GRIK4: variants seen among roughly 807,000 people sequenced by gnomAD.
GRIK4 encodes the protein glutamate ionotropic receptor kainate type subunit 4, also known as glutamate receptor ionotropic, kainate 4.
GRIK4 carries 40 observed loss-of-function variants against 104.9 expected under a neutral mutation model. The ratio of observed to expected loss-of-function variants is 0.38; its 90% CI spans 0.30 to 0.50. The LOEUF (loss-of-function observed/expected upper bound fraction) is 0.50. GRIK4 is among the 20% of genes least tolerant of loss of function. GRIK4 has a pLI of 0.93. For synonymous variants in GRIK4, 485 were observed against 524.9 expected (o/e 0.92, Z 1.04); for missense variants, 1,047 against 1,308.1 (o/e 0.80, Z 3.08).
intron 1 of GRIK4, among the ~76,000 whole-genome samples, chr11:120,575,124 C>T (rs1948462895): frequency 6.6e-6 from 1 of 152,256 alleles, no homozygotes; most frequent in African/African-American, 2.4e-5. Context: ...CCTGTTGTGC[C>T]CGCCATGCCT....
chr11:120,867,460 C>T (rs1954452833), intron 9 of GRIK4, among the ~76,000 whole-genome samples: 1 of 152,164 alleles, frequency 6.6e-6, no homozygotes. Flanking sequence ...CCCTTCTTTA[C>T]CCTTTTCTCC....
intron 1 of GRIK4, among the ~76,000 whole-genome samples, chr11:120,540,236 G>A (rs940388783): frequency 2.6e-5 from 4 of 152,214 alleles, no homozygotes; most frequent in Non-Finnish European, 5.9e-5. Context: ...TCAAACCACA[G>A]AGCGCAGGGT....
At chr11:120,896,785 A>G (rs1942594945) in intron 11 of GRIK4, among the ~76,000 whole-genome samples, 1 of 152,244 alleles carries the variant, frequency 6.6e-6, no homozygotes, top group Non-Finnish European at 1.5e-5. Flanking sequence ...TGCGGAATAG[A>G]ACCACATGGC....
chr11:120,968,944 C>T (rs1178136414), intron 19 of GRIK4, among the ~76,000 whole-genome samples: 2 of 152,204 alleles, frequency 1.3e-5, no homozygotes, highest in Non-Finnish European at 2.9e-5. Flanking sequence ...CTGATCTGCA[C>T]CCTAGCACCG....
intron 20 of GRIK4, 96 bp downstream of exon 20, chr11:120,982,320 G>A: frequency 1.3e-6 from 1 of 743,250 alleles, no homozygotes; most frequent in East Asian, 2.5e-5. Flanking sequence ...GCTTACCACA[G>A]GAAGTGCAGC....
At chr11:120,650,244 C>T (rs1255326186) in intron 1 of GRIK4, among the ~76,000 whole-genome samples, 1 of 152,190 alleles carries the variant, frequency 6.6e-6, no homozygotes, top group Non-Finnish European at 1.5e-5. Flanking sequence ...GAAAATCGGC[C>T]CTCAATGCAG....
intron 3 of GRIK4, among the ~76,000 whole-genome samples, chr11:120,700,420 T>G (rs1476121303): frequency 6.6e-6 from 1 of 150,662 alleles, no homozygotes. Flanking sequence ...ATTACAGGCA[T>G]GTGCCACCAC....
intron 2 of GRIK4, among the ~76,000 whole-genome samples, chr11:120,657,934 A>G (rs1290893508): frequency 2.0e-5 from 3 of 152,248 alleles, no homozygotes; most frequent in African/African-American, 4.8e-5. Context: ...CGTGAAAACC[A>G]GAGAACATCA....
intron 7 of GRIK4, among the ~76,000 whole-genome samples, chr11:120,836,408 A>G (rs184854689): frequency 6.6e-6 from 1 of 152,292 alleles, no homozygotes; most frequent in African/African-American, 2.4e-5. Context: ...AGTGTTAGCC[A>G]TTGTTATTGT....
intron 1 of GRIK4, among the ~76,000 whole-genome samples, chr11:120,528,462 C>G (rs1372932159): frequency 6.6e-6 from 1 of 152,200 alleles, no homozygotes; most frequent in Non-Finnish European, 1.5e-5. Context: ...CCTGTCACCC[C>G]TGTTTGACTG....
At chr11:120,525,835 A>ACAGAG (rs1305982383) in intron 1 of GRIK4, among the ~76,000 whole-genome samples, 1 of 152,088 alleles carries the variant, frequency 6.6e-6, no homozygotes, top group Non-Finnish European at 1.5e-5. Flanking sequence ...AGCTGGAGTT[A>ACAGAG]GAGTCCCTCT....
intron 1 of GRIK4, among the ~76,000 whole-genome samples, chr11:120,554,600 C>G: frequency 6.6e-6 from 1 of 151,830 alleles, no homozygotes; most frequent in East Asian, 1.9e-4. Flanking sequence ...GCCCTGTCGC[C>G]CAGGCTGGAG....
In GRIK4 at chr11:120,751,455, T is replaced by C. The variant is rs573525590; in HGVS notation, c.83-51238T>C. ...TATGAAATAAAATAAATAAAATAAA[T>C]GGCCGATAAGGCTGCCAAGCAGACT... On this transcript the variant is annotated intron_variant, in intron 3 of 20. Coordinates refer to ENST00000527524, the MANE Select transcript of GRIK4 (RefSeq NM_014619.5). 8.5e-5 allele frequency among the ~76,000 whole-genome samples: 13 copies of C among 152,280 alleles called. No homozygotes were observed. The South Asian group carries it at 2.7e-3, about 32-fold the overall frequency.
intron 1 of GRIK4, among the ~76,000 whole-genome samples, chr11:120,649,469 C>G (rs1285845596): frequency 4.6e-5 from 7 of 152,224 alleles, no homozygotes; most frequent in Non-Finnish European, 2.9e-5. Context: ...CTGTGCCCAG[C>G]AGCTGTCAGC....
intron 3 of GRIK4, among the ~76,000 whole-genome samples, chr11:120,802,171 T>C (rs1171010568): frequency 6.6e-6 from 1 of 152,230 alleles, no homozygotes; most frequent in Non-Finnish European, 1.5e-5. Context: ...TTTGGTGGCA[T>C]GGCCCATCGG....
At chr11:120,920,925 C>T (rs1046285993) in intron 13 of GRIK4, among the ~76,000 whole-genome samples, 2 of 152,200 alleles carry the variant, frequency 1.3e-5, no homozygotes, top group African/African-American at 4.8e-5. Context: ...CCCTCAAGTG[C>T]CCCACACTCA....
At chr11:120,919,151 C>T (rs1272470526) in intron 13 of GRIK4, among the ~76,000 whole-genome samples, 2 of 152,082 alleles carry the variant, frequency 1.3e-5, no homozygotes, top group Non-Finnish European at 1.5e-5. Context: ...ATTTGACAGG[C>T]GACAAGGAGG....
At chr11:120,908,398 A>AT (rs1328044918) in intron 13 of GRIK4, among the ~76,000 whole-genome samples, 3 of 151,410 alleles carry the variant, frequency 2.0e-5, no homozygotes, top group South Asian at 2.1e-4. Context: ...TCTGCAAAGG[A>AT]TTTTTTTGGT....
chr11:120,931,511 G>A (rs1423602006), intron 13 of GRIK4, among the ~76,000 whole-genome samples: 1 of 152,188 alleles, frequency 6.6e-6, no homozygotes, highest in East Asian at 1.9e-4. Flanking sequence ...AGAGCCGATT[G>A]AATGTGCTGC....
Sources: allele counts gnomAD v4.1 joint callset (sites outside exome capture counted in the v4.1 genomes callset), GRCh38; gene constraint gnomAD v4.1.1; transcripts MANE v1.5; gene names NCBI Gene and HGNC (gene_info 2026-07-23, HGNC 2026-07-21).